SIPA1L2: variants seen among roughly 807,000 people sequenced by gnomAD.
SIPA1L2 encodes the protein signal induced proliferation associated 1 like 2.
A neutral mutation model predicts 163.9 loss-of-function variants in SIPA1L2; 56 were observed. The ratio of observed to expected loss-of-function variants is 0.34; its 90% CI spans 0.28 to 0.43. The LOEUF is 0.43. SIPA1L2 is among the 20% of genes least tolerant of loss of function. SIPA1L2 has a pLI of 1.00. For synonymous variants in SIPA1L2, 877 were observed against 865.7 expected (o/e 1.01, Z -0.23); for missense variants, 1,974 against 2,193.5 (o/e 0.90, Z 2.00).
chr1:232,578,195 G>A (rs1307743627), intron 1 of SIPA1L2, among the ~76,000 whole-genome samples: 1 of 151,822 alleles, frequency 6.6e-6, no homozygotes, highest in East Asian at 1.9e-4. Flanking sequence ...ACATTTTTTA[G>A]ACATAATGCT....
At chr1:232,591,197 T>C (rs1405737500) in intron 1 of SIPA1L2, among the ~76,000 whole-genome samples, 2 of 152,256 alleles carry the variant, frequency 1.3e-5, no homozygotes, top group Non-Finnish European at 2.9e-5. Flanking sequence ...AAGAGTTAGT[T>C]AAACAAAAAT....
intron 3 of SIPA1L2, among the ~76,000 whole-genome samples, chr1:232,501,783 G>C (rs531764984): frequency 1.3e-5 from 2 of 152,304 alleles, no homozygotes; most frequent in East Asian, 3.9e-4. Flanking sequence ...TGGCTCTGTG[G>C]CATGGCCTGA....
chr1:232,574,053 T>C (rs1215068101), intron 2 of SIPA1L2, among the ~76,000 whole-genome samples, 121 bp downstream of exon 2: 1 of 151,944 alleles, frequency 6.6e-6, no homozygotes, highest in African/African-American at 2.4e-5. Flanking sequence ...AATAAAAACA[T>C]ACACTCTATC....
chr1:232,614,442 CA>C (rs1474903249), intron 1 of SIPA1L2, among the ~76,000 whole-genome samples: 1 of 152,132 alleles, frequency 6.6e-6, no homozygotes, highest in Non-Finnish European at 1.5e-5. Flanking sequence ...GATTAAGTTC[CA>C]CACTGCTCTT....
intron 1 of SIPA1L2, among the ~76,000 whole-genome samples, chr1:232,617,880 A>G (rs75633496): frequency 3.5e-4 from 54 of 152,378 alleles, no homozygotes; most frequent in Non-Finnish European, 5.9e-4. Flanking sequence ...CTCGTTTACA[A>G]TATACATGCC....
intron 2 of SIPA1L2, among the ~76,000 whole-genome samples, chr1:232,543,737 C>T (rs1657837239): frequency 6.6e-6 from 1 of 152,032 alleles, no homozygotes; most frequent in Non-Finnish European, 1.5e-5. Flanking sequence ...GGAGTGGTGG[C>T]GCATACCTGC....
At chr1:232,546,490 T>C (rs1275203057) in intron 2 of SIPA1L2, among the ~76,000 whole-genome samples, 1 of 152,198 alleles carries the variant, frequency 6.6e-6, no homozygotes, top group African/African-American at 2.4e-5. Context: ...CCAATGGCAC[T>C]AAATGATGGC....
intron 1 of SIPA1L2, among the ~76,000 whole-genome samples, chr1:232,598,660 A>G (rs867584149): frequency 2.6e-5 from 4 of 152,104 alleles, no homozygotes; most frequent in Non-Finnish European, 5.9e-5. Context: ...CACTTCTCTG[A>G]TTCACAGAAC....
At chr1:232,525,768 A>G (rs938104004) in intron 2 of SIPA1L2, among the ~76,000 whole-genome samples, 3 of 152,134 alleles carry the variant, frequency 2.0e-5, no homozygotes, top group African/African-American at 7.2e-5. Flanking sequence ...GCACACTTAG[A>G]TAACTGTTGT....
chr1:232,604,100 G>T (rs1661759656), intron 1 of SIPA1L2, among the ~76,000 whole-genome samples: 2 of 152,158 alleles, frequency 1.3e-5, no homozygotes, highest in Non-Finnish European at 2.9e-5. Context: ...CGCATCCACA[G>T]ACTCTTGCTT....
At position 232,589,613 on chromosome 1, in the gene SIPA1L2, G is replaced by A. The variant is rs998704607; in HGVS notation, c.-318-15391C>T. On this transcript the variant is annotated intron_variant, in intron 1 of 22. Coordinates refer to ENST00000674635, the MANE Select transcript of SIPA1L2 (RefSeq NM_020808.5). ...ATACTGAGTTCTAAAAATATCCTTG[G>A]CATAACTTACAAATAACTCAGTTGT... Among the ~76,000 whole-genome samples, 10 of 152,262 alleles carry A rather than the reference G, an allele frequency of 6.6e-5. 1 individual carries two copies. The highest frequency in any genetic ancestry group is 3.9e-4 in the East Asian group (2 of 5,172).
intron 8 of SIPA1L2, among the ~76,000 whole-genome samples, chr1:232,470,792 A>C (rs570702022): frequency 1.1e-3 from 169 of 152,336 alleles, no homozygotes; most frequent in Admixed American, 4.6e-3. Flanking sequence ...AGCTGGTTTC[A>C]AACTCTGGTC....
intron 2 of SIPA1L2, among the ~76,000 whole-genome samples, chr1:232,533,563 T>A (rs1246555204): frequency 6.6e-6 from 1 of 152,192 alleles, no homozygotes; most frequent in Non-Finnish European, 1.5e-5. Flanking sequence ...TTGGAGCAGG[T>A]GTTCTGGGCC....
chr1:232,428,684 T>A, intron 16 of SIPA1L2, 120 bp from the exon 17 acceptor site: 2 of 650,014 alleles, frequency 3.1e-6, no homozygotes, highest in Non-Finnish European at 4.7e-6. Flanking sequence ...TCTTAGGTCT[T>A]AAGTCAGTTC....
At chr1:232,403,249 C>G (rs1430907790) in intron 21 of SIPA1L2, among the ~76,000 whole-genome samples, 199 bp downstream of exon 21, 1 of 152,216 alleles carries the variant, frequency 6.6e-6, no homozygotes, top group East Asian at 1.9e-4. Context: ...GCAGAGGGGT[C>G]ATGCAGCCAA....
At chr1:232,422,976 C>T (rs1661660596) in intron 18 of SIPA1L2, among the ~76,000 whole-genome samples, 1 of 152,122 alleles carries the variant, frequency 6.6e-6, no homozygotes, top group Non-Finnish European at 1.5e-5. Flanking sequence ...AAAAGTGATA[C>T]ATACTCGGTA....
intron 14 of SIPA1L2, 35 bp from the exon 15 acceptor site, chr1:232,439,531 G>A: frequency 6.3e-7 from 1 of 1,582,524 alleles, no homozygotes; most frequent in Non-Finnish European, 8.6e-7. Flanking sequence ...GTTCTCAAGT[G>A]AATCTTGAAC....
At chr1:232,591,067 C>T (rs1452481322) in intron 1 of SIPA1L2, among the ~76,000 whole-genome samples, 2 of 152,216 alleles carry the variant, frequency 1.3e-5, no homozygotes, top group Admixed American at 6.5e-5. Flanking sequence ...GCAGCCAACA[C>T]AGGGGAGCAG....
At chr1:232,627,367 A>G (rs1326949305) in intron 1 of SIPA1L2, among the ~76,000 whole-genome samples, 2 of 152,206 alleles carry the variant, frequency 1.3e-5, no homozygotes, top group Non-Finnish European at 2.9e-5. Flanking sequence ...TTTTCAGGGT[A>G]GCTAGTATTT....
Sources: gnomAD v4.1 joint callset for allele counts (sites outside exome capture counted in the v4.1 genomes callset) on GRCh38, gnomAD v4.1.1 for gene constraint, MANE v1.5 for transcripts, NCBI Gene and HGNC (gene_info 2026-07-23, HGNC 2026-07-21) for gene names.